The following USP4 variants were observed in gnomAD, a reference collection of about 807,000 sequenced individuals.
USP4 encodes ubiquitin carboxyl-terminal hydrolase 4.
A neutral mutation model predicts 118.2 loss-of-function variants in USP4; 72 were observed. That is an observed-to-expected ratio of 0.61 (90% CI 0.50 to 0.74). The LOEUF (loss-of-function observed/expected upper bound fraction) is 0.74, where lower values mean the gene tolerates loss of function less well. USP4 is among the 30% of genes least tolerant of loss of function. The pLI, the probability that USP4 is intolerant of heterozygous loss-of-function variation, is 0.00. For missense variants in USP4, 1,037 were observed against 1,185.7 expected, an observed-to-expected ratio of 0.87 and a Z score of 1.84; for synonymous variants, 415 against 440.4, an observed-to-expected ratio of 0.94 and a Z score of 0.72.
chr3:49,287,420 C>G (rs1411169113), intron 15 of USP4, among the ~76,000 whole-genome samples: 1 of 152,138 alleles, frequency 6.6e-6, no homozygotes, highest in African/African-American at 2.4e-5. Context: ...TCCCAAAGTA[C>G]TGGGATTACA....
chr3:49,336,969 A>T (rs2047674484), intron 1 of USP4, among the ~76,000 whole-genome samples: 1 of 152,026 alleles, frequency 6.6e-6, no homozygotes, highest in South Asian at 2.1e-4. Context: ...GTTTTCCTTT[A>T]AGGACCAAAG....
intron 6 of USP4, chr3:49,318,200 C>G: frequency 2.1e-6 from 1 of 467,228 alleles, no homozygotes; most frequent in Non-Finnish European, 2.8e-6. Flanking sequence ...AACTCCTGGG[C>G]TCAAGCAATC....
chr3:49,307,455 T>A lies in USP4; in HGVS notation c.955-1567A>T, dbSNP rs186154458. 3.4e-3 allele frequency among the ~76,000 whole-genome samples: 517 copies of A among 151,468 alleles called. 7 individuals carry two copies. The highest frequency in any genetic ancestry group is 8.3e-3 in the African/African-American group (343 of 41,298). On this transcript the variant is annotated intron_variant, in intron 8 of 21. Transcript: ENST00000265560. ...AGTGAGAATGTAAGTCTTTAAAAAA[T>A]TTTTTTTTAATTTTTAGAGATAGGG... is the stretch of plus-strand genomic sequence containing the variant.
rs747632858 is a variant in USP4 at position 49,298,599 on chromosome 3, C to T, written c.1549G>A (p.Asp517Asn). The change falls in exon 12 of 22, where the codon GAC (aspartate) becomes AAC (asparagine). Residue 517 changes from aspartate to asparagine, a missense_variant. Physicochemically the swap from Asp to Asn is conservative, Grantham distance 23. Around this residue, in one of 3 missense-constraint regions of USP4, gnomAD observed 522 missense variants for 592.6 expected, o/e 0.88. Coordinates refer to ENST00000265560, the MANE Select transcript of USP4 (RefSeq NM_003363.4). Reference protein sequence around the residue: ...VTVPLMGAVSDLCEALSRLSG... With the variant: ...VTVPLMGAVSNLCEALSRLSG... ...AGCCTGGAGAGAGCCTCGCACAGGT[C>T]GGACACAGCCCCCATCAGCGGCACA... 15 of 1,614,050 alleles carry T rather than the reference C, an allele frequency of 9.3e-6. No individual in the cohort carries two copies. The highest frequency in any genetic ancestry group is 6.6e-5 in the South Asian group (6 of 91,070).
chr3:49,332,529 A>G (rs536005559), intron 2 of USP4, among the ~76,000 whole-genome samples: 1 of 151,950 alleles, frequency 6.6e-6, no homozygotes, highest in South Asian at 2.1e-4. Context: ...TCTTCCCAAT[A>G]GAAGGGTGTT....
rs2047430855 is a variant in USP4, at chr3:49,316,001, C to T, written c.696-4347G>A. Among the ~76,000 whole-genome samples the T allele has an allele frequency of 2.0e-5, 3 of 151,928 alleles. No homozygotes were observed. In the South Asian group the frequency reaches 6.2e-4, roughly 32 times the overall value. On this transcript the variant is annotated intron_variant, in intron 6 of 21. Coordinates refer to ENST00000265560, the MANE Select transcript of USP4 (RefSeq NM_003363.4). Reference sequence around the variant, plus strand: ...GGCGGATCACATGAGGTTGGGAGTCCGAGACCAGTCTGACCAACACAGAGG... The same window carrying T: ...GGCGGATCACATGAGGTTGGGAGTCTGAGACCAGTCTGACCAACACAGAGG...
At chr3:49,286,784 T>C (rs372028510) in intron 15 of USP4, among the ~76,000 whole-genome samples, 3 of 152,194 alleles carry the variant, frequency 2.0e-5, no homozygotes, top group Admixed American at 6.6e-5. Context: ...CATCCATCCA[T>C]CTATCCATCC....
rs1291268662 is a variant in USP4, at chr3:49,277,240, G to C, written c.*1053C>G. The stretch of plus-strand genomic sequence containing the variant: ...CGGTCATCGCATGCGCGTGCCCCGC[G>C]CAGGCCCCAAACCCCCACGGATTAG... On this transcript the variant is annotated 3_prime_UTR_variant, in exon 22 of 22. Coordinates refer to ENST00000265560, the MANE Select transcript of USP4 (RefSeq NM_003363.4). 1.5e-6 allele frequency: 2 copies of C among 1,311,082 alleles called. No individual in the cohort carries two copies. The highest frequency in any genetic ancestry group is 2.0e-6 in the Non-Finnish European group (2 of 1,003,332). The allele number at this position is 1,311,082 out of a possible 1,614,324, so 81.2% of individuals were successfully genotyped here.
At chr3:49,289,844 G>A (rs1383844783) in intron 15 of USP4, among the ~76,000 whole-genome samples, 1 of 152,092 alleles carries the variant, frequency 6.6e-6, no homozygotes, top group Non-Finnish European at 1.5e-5. Flanking sequence ...GGCGGCTCAC[G>A]CCTATGATCC....
chr3:49,309,537 T>C (rs1304669479), intron 8 of USP4, among the ~76,000 whole-genome samples: 1 of 151,452 alleles, frequency 6.6e-6, no homozygotes, highest in East Asian at 1.9e-4. Flanking sequence ...ATTACAGGTG[T>C]GAGCCATTGC....
At position 49,325,767 on chromosome 3, in the gene USP4, C is replaced by G. The variant is rs776563389; in HGVS notation, c.439G>C (p.Asp147His). The G allele has an allele frequency of 1.1e-5, 17 of 1,613,876 alleles. No homozygotes were observed. The highest frequency in any genetic ancestry group is 1.4e-5 in the Non-Finnish European group (17 of 1,179,962). The change falls in exon 4 of 22, where the codon GAC (aspartate) becomes CAC (histidine). Residue 147 changes from aspartate to histidine, a missense_variant. Transcript: ENST00000265560. Reference sequence around the variant, plus strand: ...TGGCAACTCAGCACATTGGTGGGGTCACTGTTCTCACAGAGCTTCAGTTCC... The same window carrying G: ...TGGCAACTCAGCACATTGGTGGGGTGACTGTTCTCACAGAGCTTCAGTTCC... ...LLELKLCENS[D>H]PTNVLSCHFS... is the part of the protein sequence containing the mutation.
chr3:49,301,225 C>A (rs887600400), intron 10 of USP4, among the ~76,000 whole-genome samples: 1 of 152,048 alleles, frequency 6.6e-6, no homozygotes, highest in Non-Finnish European at 1.5e-5. Flanking sequence ...CAGGGGAAAG[C>A]CACTGCGCCT....
intron 11 of USP4, among the ~76,000 whole-genome samples, chr3:49,299,121 G>C (rs2047238353): frequency 6.6e-6 from 1 of 151,190 alleles, no homozygotes; most frequent in African/African-American, 2.4e-5. Flanking sequence ...ACACAGTCTT[G>C]CTCTGTCACA....
At position 49,317,538 on chromosome 3, in the gene USP4, GTTTGTT is replaced by G; in HGVS notation, c.696-5890_696-5885del. On this transcript the variant is annotated intron_variant, in intron 6 of 21. Coordinates refer to ENST00000265560, the MANE Select transcript of USP4 (RefSeq NM_003363.4). Reference sequence around the variant, plus strand: ...TTTTGTTTTGTTTTGTTTTTTGTTTGTTTGTTTTTTTTTTTTTTTTGAGACAACAGT... The same window carrying G: ...TTTTGTTTTGTTTTGTTTTTTGTTTGTTTTTTTTTTTTTTGAGACAACAGT... 11 of 564,356 alleles carry G rather than the reference GTTTGTT, an allele frequency of 1.9e-5. No homozygotes were observed. In the East Asian group the frequency reaches 2.4e-4, roughly 12 times the overall value. The allele number at this position is 564,356 out of a possible 1,614,324, so 35.0% of individuals were successfully genotyped here.
In USP4 at chr3:49,286,301, T is replaced by C. The variant is rs777291077; in HGVS notation, c.1997A>G (p.His666Arg). ...CEGEDEEEME[H>R]QEEGKEQLSE... Reference sequence around the variant, plus strand: ...AAGCTGCTCTTTGCCTTCTTCCTGATGCTCCATTTCTTCCTCATCTTCTCC... The same window carrying C: ...AAGCTGCTCTTTGCCTTCTTCCTGACGCTCCATTTCTTCCTCATCTTCTCC... Residue 666 changes from histidine (H) to arginine (R), a missense_variant, in exon 16 of 22, where the codon CAT becomes CGT. Around this residue, in one of 3 missense-constraint regions of USP4, gnomAD observed 522 missense variants for 592.6 expected, o/e 0.88. Transcript: ENST00000265560. The C allele has an allele frequency of 2.5e-6, 4 of 1,614,088 alleles. No individual in the cohort carries two copies. The highest frequency in any genetic ancestry group is 4.5e-5 in the East Asian group (2 of 44,898).
At chr3:49,326,373 A>T (rs960587246) in intron 3 of USP4, among the ~76,000 whole-genome samples, 7 of 151,956 alleles carry the variant, frequency 4.6e-5, no homozygotes, top group Non-Finnish European at 7.4e-5. Flanking sequence ...GAGCATCTTG[A>T]TGATATTAGA....
intron 9 of USP4, among the ~76,000 whole-genome samples, chr3:49,303,880 G>A (rs200126705): frequency 2.0e-5 from 3 of 152,042 alleles, no homozygotes; most frequent in African/African-American, 7.2e-5. Flanking sequence ...GGCCTCCCGA[G>A]TTGCTGGGAT....
chr3:49,278,926 C>T (rs762914761), intron 20 of USP4, 24 bp from the exon 21 acceptor site: 16 of 1,513,938 alleles, frequency 1.1e-5, no homozygotes, highest in Non-Finnish European at 1.4e-5. Context: ...AAAGAAAATA[C>T]TCTAGCGGTC....
intron 1 of USP4, among the ~76,000 whole-genome samples, chr3:49,339,277 C>G (rs2047708777): frequency 1.3e-5 from 2 of 152,204 alleles, no homozygotes; most frequent in Non-Finnish European, 2.9e-5. Context: ...GTCCCCTCTA[C>G]TAAACAATCT....
Sources: gnomAD v4.1 joint callset for allele counts (sites outside exome capture counted in the v4.1 genomes callset) on GRCh38, gnomAD v4.1.1 for gene constraint, gnomAD v4.1.1 regional missense constraint, MANE v1.5 for transcripts, NCBI Gene and HGNC (gene_info 2026-07-23, HGNC 2026-07-21) for gene names.